MACROD2: variants seen among roughly 807,000 people sequenced by gnomAD.
MACROD2 encodes the protein mono-ADP ribosylhydrolase 2, also known as ADP-ribose glycohydrolase MACROD2.
Under a neutral mutation model 70.4 loss-of-function variants are expected in MACROD2, and 36 were observed. The ratio of observed to expected loss-of-function variants is 0.51; its 90% CI spans 0.39 to 0.68. The LOEUF (loss-of-function observed/expected upper bound fraction) is 0.68, where lower values mean the gene tolerates loss of function less well. Among genes scored for constraint, MACROD2 ranks in the 30% least tolerant of loss-of-function variants. The pLI is 0.00. For missense variants in MACROD2, 496 were observed against 538.4 expected, an observed-to-expected ratio of 0.92 and a Z score of 0.78; for synonymous variants, 172 against 178.8, an observed-to-expected ratio of 0.96 and a Z score of 0.30.
chr20:14,148,884 C>G (rs773807043), intron 3 of MACROD2, among the ~76,000 whole-genome samples: 5 of 152,102 alleles, frequency 3.3e-5, no homozygotes, highest in African/African-American at 7.2e-5. Context: ...TAATAGGTCC[C>G]TCTTCTGCTG....
At chr20:15,864,077 T>C (rs1474508102) in intron 9 of MACROD2, among the ~76,000 whole-genome samples, 3 of 152,188 alleles carry the variant, frequency 2.0e-5, no homozygotes, top group African/African-American at 7.2e-5. Flanking sequence ...CTCTTTCTCC[T>C]CTGCCTCCTT....
rs556556043 is a variant in MACROD2 at position 14,756,178 on chromosome 20, G to T, written c.418+71219G>T. 2.8e-4 allele frequency among the ~76,000 whole-genome samples: 43 copies of T among 152,096 alleles called. 1 individual carries two copies. The highest frequency in any genetic ancestry group is 6.8e-3 in the Middle Eastern group (2 of 294). On this transcript the variant is annotated intron_variant, in intron 5 of 17. Transcript: ENST00000684519. ...TCACCATTGCTTACTAAACTCCGTG[G>T]CTTCCATCAATTCCTAAATTATGTC...
intron 8 of MACROD2, among the ~76,000 whole-genome samples, chr20:15,732,886 T>C (rs1037463768): frequency 1.3e-5 from 2 of 152,132 alleles, no homozygotes; most frequent in African/African-American, 4.8e-5. Flanking sequence ...CTTCCTTAAG[T>C]GTTTTGTAGA....
chr20:15,719,305 T>C (rs1449460643), intron 8 of MACROD2, among the ~76,000 whole-genome samples: 1 of 152,234 alleles, frequency 6.6e-6, no homozygotes, highest in Non-Finnish European at 1.5e-5. Flanking sequence ...TTATGCACTT[T>C]GCCGACTCTA....
At chr20:15,290,523 G>A (rs979741346) in intron 6 of MACROD2, among the ~76,000 whole-genome samples, 12 of 152,082 alleles carry the variant, frequency 7.9e-5, no homozygotes, top group African/African-American at 2.9e-4. Context: ...GTTTAGTGAG[G>A]TTCTTTATGA....
chr20:14,681,580 G>A (rs548959289), intron 4 of MACROD2, among the ~76,000 whole-genome samples: 2 of 152,228 alleles, frequency 1.3e-5, no homozygotes, highest in Non-Finnish European at 2.9e-5. Context: ...ACTCCCTCTG[G>A]GTGAGGGGAG....
At chr20:14,956,023 GT>G (rs750168380) in intron 5 of MACROD2, among the ~76,000 whole-genome samples, 287 of 143,600 alleles carry the variant, frequency 2.0e-3, no homozygotes, top group East Asian at 0.013. Flanking sequence ...GCTTTTAGCT[GT>G]TTTTTTTTTT....
chr20:15,600,840 T>C (rs1026621581), intron 8 of MACROD2, among the ~76,000 whole-genome samples: 1 of 152,144 alleles, frequency 6.6e-6, no homozygotes, highest in Non-Finnish European at 1.5e-5. Flanking sequence ...CTCAAAAATA[T>C]ATATATTATT....
chr20:15,504,513 C>G (rs542350593), intron 8 of MACROD2, among the ~76,000 whole-genome samples: 1 of 152,210 alleles, frequency 6.6e-6, no homozygotes, highest in African/African-American at 2.4e-5. Context: ...CGAATTATTG[C>G]TATGAGAAGA....
chr20:15,004,720 T>C (rs2075022680), intron 5 of MACROD2, among the ~76,000 whole-genome samples: 1 of 152,176 alleles, frequency 6.6e-6, no homozygotes, highest in Non-Finnish European at 1.5e-5. Flanking sequence ...TCTTTGGTTG[T>C]GATAAAAATG....
At chr20:15,680,781 A>G (rs982868786) in intron 8 of MACROD2, among the ~76,000 whole-genome samples, 3 of 152,232 alleles carry the variant, frequency 2.0e-5, no homozygotes, top group Non-Finnish European at 4.4e-5. Flanking sequence ...TTAAATGACT[A>G]GGGAGATAAG....
chr20:14,838,112 C>G (rs1337403753), intron 5 of MACROD2, among the ~76,000 whole-genome samples: 4 of 151,918 alleles, frequency 2.6e-5, no homozygotes, highest in Non-Finnish European at 5.9e-5. Flanking sequence ...TGTTGTAAGG[C>G]AAATATCTTG....
At chr20:14,075,737 T>C (rs2053908511) in intron 2 of MACROD2, among the ~76,000 whole-genome samples, 1 of 152,200 alleles carries the variant, frequency 6.6e-6, no homozygotes, top group African/African-American at 2.4e-5. Flanking sequence ...CAGCTCCCTA[T>C]AGGCACTTGA....
At chr20:15,845,337 A>G (rs1222494323) in intron 8 of MACROD2, among the ~76,000 whole-genome samples, 1 of 152,188 alleles carries the variant, frequency 6.6e-6, no homozygotes, top group East Asian at 1.9e-4. Flanking sequence ...CAAACGCACA[A>G]CTCATAATAT....
At chr20:14,352,764 C>T (rs1246347413) in intron 3 of MACROD2, among the ~76,000 whole-genome samples, 3 of 151,436 alleles carry the variant, frequency 2.0e-5, no homozygotes, top group Non-Finnish European at 2.9e-5. Context: ...TTTGGCTAAA[C>T]TTTTTCTATG....
rs143526305 is a variant in MACROD2 at position 15,662,760 on chromosome 20, A to G, written c.645+162913A>G. Among the ~76,000 whole-genome samples, 795 of 151,214 alleles carry G rather than the reference A, an allele frequency of 5.3e-3. 7 individuals are homozygous for G. The highest frequency in any genetic ancestry group is 0.019 in the African/African-American group (782 of 41,150). The stretch of plus-strand genomic sequence containing the variant: ...TTGTGGTTGTTTTTTCAAGCTTTTA[A>G]TTGTTTTAAGTTTTGAATTAGTGGC... On this transcript the variant is annotated intron_variant, in intron 8 of 17. Coordinates refer to ENST00000684519, the MANE Select transcript of MACROD2 (RefSeq NM_001351661.2).
chr20:14,515,828 A>G (rs961401006), intron 4 of MACROD2, among the ~76,000 whole-genome samples: 5 of 151,884 alleles, frequency 3.3e-5, no homozygotes, highest in Non-Finnish European at 2.9e-5. Context: ...ATGTATTTCA[A>G]AATTGCTAAA....
chr20:15,049,548 A>G (rs1362764450), intron 5 of MACROD2, among the ~76,000 whole-genome samples: 1 of 152,228 alleles, frequency 6.6e-6, no homozygotes, highest in Non-Finnish European at 1.5e-5. Context: ...GCATAAGCCA[A>G]ATTACATTTG....
chr20:15,628,243 T>A (rs1015023550), intron 8 of MACROD2, among the ~76,000 whole-genome samples: 2 of 152,210 alleles, frequency 1.3e-5, no homozygotes, highest in Admixed American at 1.3e-4. Flanking sequence ...ATACTAGACC[T>A]TTATTTACAT....
Sources: allele counts gnomAD v4.1 joint callset (sites outside exome capture counted in the v4.1 genomes callset), GRCh38; gene constraint gnomAD v4.1.1; transcripts MANE v1.5; gene names NCBI Gene and HGNC (gene_info 2026-07-23, HGNC 2026-07-21).